Variants in CSMD3 observed in about 807,000 individuals in gnomAD.
CSMD3 encodes CUB and sushi domain-containing protein 3.
A neutral mutation model predicts 435.2 loss-of-function variants in CSMD3; 177 were observed. The ratio of observed to expected loss-of-function variants is 0.41; its 90% confidence interval spans 0.36 to 0.46. The LOEUF (loss-of-function observed/expected upper bound fraction) is 0.46. CSMD3 is among the 20% of genes least tolerant of loss of function. The pLI is 0.34. For missense variants in CSMD3, 4,265 were observed against 4,504.6 expected (o/e 0.95, Z 1.52); for synonymous variants, 1,656 against 1,520.5 (o/e 1.09, Z -2.07).
intron 5 of CSMD3, among the ~76,000 whole-genome samples, chr8:113,087,526 C>T (rs1265059474): frequency 1.3e-5 from 2 of 152,090 alleles, no homozygotes; most frequent in African/African-American, 4.8e-5. Context: ...ATCAATGGAA[C>T]AGAACAGAGC....
chr8:113,256,715 A>G (rs118070483), intron 3 of CSMD3, among the ~76,000 whole-genome samples: 4,506 of 152,298 alleles, frequency 0.03, 88 homozygotes, highest in Non-Finnish European at 0.04. Context: ...GGCTGCAACA[A>G]TTACAACTTT....
intron 31 of CSMD3, among the ~76,000 whole-genome samples, chr8:112,481,996 CT>C (rs1819661035): frequency 6.6e-6 from 1 of 151,644 alleles, no homozygotes; most frequent in South Asian, 2.1e-4. Flanking sequence ...TTTCACACTT[CT>C]TTTTAATACT....
At chr8:112,992,874 A>G (rs1211382419) in intron 6 of CSMD3, among the ~76,000 whole-genome samples, 3 of 151,324 alleles carry the variant, frequency 2.0e-5, no homozygotes, top group Admixed American at 6.6e-5. Context: ...GTTTGCTGCT[A>G]TAAGAAAAAA....
At chr8:112,425,180 C>T (rs775879831) in intron 32 of CSMD3, among the ~76,000 whole-genome samples, 2 of 152,194 alleles carry the variant, frequency 1.3e-5, no homozygotes, top group African/African-American at 2.4e-5. Context: ...ATTTATTTTA[C>T]ATACTATGAT....
intron 57 of CSMD3, 27 bp from the exon 58 acceptor site, chr8:112,287,273 C>T (rs2130638289): frequency 6.2e-7 from 1 of 1,610,854 alleles, no homozygotes; most frequent in African/African-American, 1.3e-5. Context: ...TTCAAGTTAA[C>T]CAATTCCCAT....
intron 5 of CSMD3, among the ~76,000 whole-genome samples, chr8:113,074,432 A>T (rs1446879725): frequency 1.3e-5 from 2 of 151,948 alleles, no homozygotes; most frequent in Non-Finnish European, 2.9e-5. Context: ...ATCAAGAGCT[A>T]TGGGATGTAT....
chr8:113,112,051 T>C (rs901878786), intron 4 of CSMD3, among the ~76,000 whole-genome samples: 8 of 152,114 alleles, frequency 5.3e-5, no homozygotes, highest in Non-Finnish European at 7.3e-5. Context: ...GGCAATCATT[T>C]ACTTATCTGC....
At chr8:112,402,891 T>C (rs10111485) in intron 35 of CSMD3, among the ~76,000 whole-genome samples, 160 of 152,312 alleles carry the variant, frequency 1.1e-3, no homozygotes, top group African/African-American at 3.8e-3. Context: ...TTCAGAATGT[T>C]ATAAATGTTA....
rs1047493139 is a variant in CSMD3, at chr8:112,695,794, C to T, written c.1973-5744G>A. ...TTAGGAAAAGTGGAAGTCAAATTGT[C>T]CCTGTTTGCAGATGACATGATTGCA... On this transcript the variant is annotated intron_variant, in intron 13 of 70. Coordinates refer to ENST00000297405, the MANE Select transcript of CSMD3 (RefSeq NM_198123.2). 3.3e-5 allele frequency among the ~76,000 whole-genome samples: 5 copies of T among 152,236 alleles called. No homozygotes were observed. In the South Asian group the frequency reaches 8.3e-4, roughly 25 times the overall value.
chr8:112,616,818 G>A (rs1833694630), intron 22 of CSMD3, among the ~76,000 whole-genome samples: 1 of 152,110 alleles, frequency 6.6e-6, no homozygotes, highest in South Asian at 2.1e-4. Flanking sequence ...GGGAAGGAAA[G>A]GTCACTCTGT....
intron 4 of CSMD3, among the ~76,000 whole-genome samples, chr8:113,151,796 G>T (rs986060256): frequency 1.3e-5 from 2 of 151,966 alleles, no homozygotes; most frequent in African/African-American, 4.8e-5. Context: ...CTTATGATAT[G>T]ATTTTGAGAA....
At chr8:112,290,938 T>TG (rs1486167784) in intron 56 of CSMD3, among the ~76,000 whole-genome samples, 5 of 152,050 alleles carry the variant, frequency 3.3e-5, no homozygotes, top group Non-Finnish European at 7.4e-5. Flanking sequence ...TTAAGCATCT[T>TG]GGCTGTAATC....
chr8:113,143,822 T>C (rs1053274209), intron 4 of CSMD3, among the ~76,000 whole-genome samples: 6 of 151,354 alleles, frequency 4.0e-5, no homozygotes, highest in Non-Finnish European at 7.4e-5. Context: ...AGTTTGGCTA[T>C]AAAAGGGCAA....
chr8:112,815,353 A>G (rs1306199149), intron 12 of CSMD3, among the ~76,000 whole-genome samples: 1 of 152,160 alleles, frequency 6.6e-6, no homozygotes, highest in Non-Finnish European at 1.5e-5. Flanking sequence ...AATGTTTGTC[A>G]TGGGTCTTAT....
At chr8:112,680,722 C>T (rs1312267325) in intron 16 of CSMD3, among the ~76,000 whole-genome samples, 1 of 152,018 alleles carries the variant, frequency 6.6e-6, no homozygotes, top group Non-Finnish European at 1.5e-5. Context: ...TTGAAGGGGC[C>T]ACTAGGAAAA....
chr8:112,847,350 G>A (rs1459677421), intron 11 of CSMD3, among the ~76,000 whole-genome samples: 1 of 152,106 alleles, frequency 6.6e-6, no homozygotes, highest in East Asian at 1.9e-4. Context: ...TGAAAGATCT[G>A]GGTATCACTT....
rs76018785 is a variant in CSMD3 at position 112,737,515 on chromosome 8, A to C, written c.1973-47465T>G. ...GGTTGTTGGTATGGAAGTTTTAAAG[A>C]AAAAGTACTGTGACTAGAGACCATA... On this transcript the variant is annotated intron_variant, in intron 13 of 70. Coordinates refer to ENST00000297405, the MANE Select transcript of CSMD3 (RefSeq NM_198123.2). Among the ~76,000 whole-genome samples, 561 of 152,038 alleles carry C rather than the reference A, an allele frequency of 3.7e-3. 2 individuals are homozygous for C. Among genetic ancestry groups the C allele is most frequent in the African/African-American group, 0.013 (540 of 41,528 alleles).
At chr8:113,162,199 G>A (rs1005614515) in intron 4 of CSMD3, among the ~76,000 whole-genome samples, 3 of 151,952 alleles carry the variant, frequency 2.0e-5, no homozygotes, top group Non-Finnish European at 4.4e-5. Context: ...CCTTTATACA[G>A]GCAAAGATTA....
intron 32 of CSMD3, among the ~76,000 whole-genome samples, chr8:112,467,375 T>C (rs1033632207): frequency 1.3e-5 from 2 of 152,164 alleles, no homozygotes; most frequent in African/African-American, 4.8e-5. Flanking sequence ...ATGCTAAACA[T>C]GAAATTAAGT....
Sources: allele counts gnomAD v4.1 joint callset (sites outside exome capture counted in the v4.1 genomes callset), GRCh38; gene constraint gnomAD v4.1.1; transcripts MANE v1.5; gene names NCBI Gene and HGNC (gene_info 2026-07-23, HGNC 2026-07-21).